The following ZC3H8 variants were observed in gnomAD, a reference collection of about 807,000 sequenced individuals.
ZC3H8 encodes zinc finger CCCH-type containing 8.
Under a neutral mutation model 42.5 loss-of-function variants are expected in ZC3H8, and 27 were observed. The ratio of observed to expected loss-of-function variants is 0.64; its 90% CI spans 0.47 to 0.88. The LOEUF (loss-of-function observed/expected upper bound fraction) is 0.88. Ranked by LOEUF, ZC3H8 falls within the 40% of genes least tolerant of loss-of-function variation. The probability of loss-of-function intolerance (pLI) is 0.00; values close to 1 mark genes in which losing one functional copy is unlikely to be tolerated. For missense variants in ZC3H8, 277 were observed against 336.1 expected, an observed-to-expected ratio of 0.82 and a Z score of 1.37; for synonymous variants, 101 against 110.1, an observed-to-expected ratio of 0.92 and a Z score of 0.52.
chr2:112,240,971 G>T (rs1210902198), intron 2 of ZC3H8, among the ~76,000 whole-genome samples: 1 of 144,776 alleles, frequency 6.9e-6, no homozygotes, highest in African/African-American at 2.6e-5. Flanking sequence ...GTGTGTGTGT[G>T]TGTGTGTGTG....
intron 6 of ZC3H8, among the ~76,000 whole-genome samples, chr2:112,232,603 A>G (rs1685145186): frequency 6.6e-6 from 1 of 152,204 alleles, no homozygotes; most frequent in South Asian, 2.1e-4. Context: ...CAAAGTCAAC[A>G]ACGACATATC....
chr2:112,233,170 C>T, intron 6 of ZC3H8, 90 bp downstream of exon 6: 2 of 781,942 alleles, frequency 2.6e-6, no homozygotes, highest in Non-Finnish European at 4.0e-6. Context: ...TTTTGGTATA[C>T]CTAAAACACT....
chr2:112,227,460 G>A (rs545008753), intron 8 of ZC3H8, among the ~76,000 whole-genome samples: 15 of 152,290 alleles, frequency 9.8e-5, no homozygotes, highest in Admixed American at 3.3e-4. Context: ...GCAAGGCCGC[G>A]GTTGCAGTGA....
intron 6 of ZC3H8, among the ~76,000 whole-genome samples, chr2:112,232,350 C>G (rs1341367774): frequency 1.3e-5 from 2 of 148,592 alleles, no homozygotes; most frequent in Non-Finnish European, 3.0e-5. Flanking sequence ...TTCCTACTAG[C>G]AGAAACTGGA....
chr2:112,254,814 G>C (rs1686068561), intron 1 of ZC3H8, 94 bp downstream of exon 1: 2 of 1,432,652 alleles, frequency 1.4e-6, no homozygotes, highest in Non-Finnish European at 1.9e-6. Flanking sequence ...ACGCGGCCCG[G>C]ACGTGGCCCC....
intron 1 of ZC3H8, among the ~76,000 whole-genome samples, chr2:112,254,317 T>C (rs570172289): frequency 2.4e-4 from 37 of 152,360 alleles, no homozygotes; most frequent in African/African-American, 8.9e-4. Flanking sequence ...ACCAAGAGTC[T>C]CACTTGCTTT....
chr2:112,220,809 G>A (rs72831645), intron 8 of ZC3H8, among the ~76,000 whole-genome samples: 1,626 of 152,272 alleles, frequency 0.011, 15 homozygotes, highest in Middle Eastern at 0.02. Context: ...CAAAAAGAGC[G>A]AAACTCCATC....
At chr2:112,221,089 GA>G (rs2104642675) in intron 8 of ZC3H8, among the ~76,000 whole-genome samples, 1 of 152,284 alleles carries the variant, frequency 6.6e-6, no homozygotes, top group Non-Finnish European at 1.5e-5. Flanking sequence ...TTCAGGGACG[GA>G]AATGAGTCAT....
chr2:112,250,500 G>A (rs939061377), intron 1 of ZC3H8, among the ~76,000 whole-genome samples: 2 of 152,180 alleles, frequency 1.3e-5, no homozygotes, highest in East Asian at 1.9e-4. Flanking sequence ...AAGCCTTAAT[G>A]TTCAAGTATT....
At chr2:112,239,396 C>T (rs1558929263) in intron 2 of ZC3H8, among the ~76,000 whole-genome samples, 2 of 152,012 alleles carry the variant, frequency 1.3e-5, no homozygotes, top group African/African-American at 2.4e-5. Context: ...TCTGATGTCA[C>T]GAAGAAATGG....
At position 112,242,457 on chromosome 2, in the gene ZC3H8, C is replaced by G. The variant is rs1685617802; in HGVS notation, c.157-3929G>C. ...AGAGACCTTCATGGCATTCTCATCA[C>G]TTCGTAGAGATGCTCAGTTATAAAT... On this transcript the variant is annotated intron_variant, in intron 2 of 8. Coordinates refer to ENST00000409573, the MANE Select transcript of ZC3H8 (RefSeq NM_032494.3). 2.0e-5 allele frequency among the ~76,000 whole-genome samples: 3 copies of G among 152,328 alleles called. No homozygotes were observed. The South Asian group carries it at 6.2e-4, about 32-fold the overall frequency.
intron 8 of ZC3H8, among the ~76,000 whole-genome samples, chr2:112,218,539 T>A (rs749319270): frequency 7.2e-5 from 11 of 152,300 alleles, no homozygotes; most frequent in Non-Finnish European, 1.3e-4. Context: ...ATTAAAACAA[T>A]TCCATTTACA....
chr2:112,225,967 A>G (rs1684806312), intron 8 of ZC3H8, among the ~76,000 whole-genome samples: 2 of 152,046 alleles, frequency 1.3e-5, no homozygotes, highest in Admixed American at 6.6e-5. Context: ...CTGTAATCCC[A>G]GCTACTTGGG....
intron 1 of ZC3H8, chr2:112,254,050 C>CT: frequency 1.1e-6 from 1 of 931,528 alleles, no homozygotes; most frequent in Non-Finnish European, 1.3e-6. Context: ...ATCATCTTCT[C>CT]TTTAAGTTTG....
At position 112,231,901 on chromosome 2, in the gene ZC3H8, C is replaced by T. The variant is rs1685109457; in HGVS notation, c.780G>A (p.Gln260=). The part of the protein sequence containing the change: ...KFYHTGTKCY[Q]GEYCKFSHAP... ...CATGAGAAAACTTGCAGTATTCTCCCTGATAACATTTTGTTCCTGTATGGT... is the reference window on the plus strand; with the variant it reads ...CATGAGAAAACTTGCAGTATTCTCCTTGATAACATTTTGTTCCTGTATGGT... Residue 260 remains glutamine, a synonymous_variant, in exon 7 of 9, where the codon CAG becomes CAA. Transcript: ENST00000409573. The T allele has an allele frequency of 6.3e-7, 1 of 1,587,832 alleles. No individual in the cohort carries two copies. The highest frequency in any genetic ancestry group is 1.7e-5 in the Admixed American group (1 of 59,240).
chr2:112,230,882 T>G (rs1558923266), intron 8 of ZC3H8, 21 bp downstream of exon 8: 2 of 1,294,468 alleles, frequency 1.5e-6, no homozygotes, highest in East Asian at 7.3e-5. Context: ...AAAAAAGAAA[T>G]GTGGTAAATT....
At chr2:112,220,814 T>G (rs1397264880) in intron 8 of ZC3H8, among the ~76,000 whole-genome samples, 3 of 152,098 alleles carry the variant, frequency 2.0e-5, no homozygotes, top group Admixed American at 1.3e-4. Flanking sequence ...AGAGCGAAAC[T>G]CCATCTCAAA....
chr2:112,225,861 C>T (rs1226725921), intron 8 of ZC3H8, among the ~76,000 whole-genome samples: 2 of 152,000 alleles, frequency 1.3e-5, no homozygotes, highest in African/African-American at 2.4e-5. Flanking sequence ...GCAAGTGGAT[C>T]ACCTGAGGTC....
intron 8 of ZC3H8, among the ~76,000 whole-genome samples, chr2:112,229,475 T>A (rs935274176): frequency 2.6e-5 from 4 of 152,230 alleles, no homozygotes; most frequent in African/African-American, 9.6e-5. Context: ...CAATGGGTTA[T>A]AAGTAAATGT....
Sources: allele counts gnomAD v4.1 joint callset (sites outside exome capture counted in the v4.1 genomes callset), GRCh38; gene constraint gnomAD v4.1.1; transcripts MANE v1.5; gene names NCBI Gene and HGNC (gene_info 2026-07-23, HGNC 2026-07-21).